ADGRB3: variants seen among roughly 807,000 people sequenced by gnomAD.
The protein encoded by ADGRB3 is brain-specific angiogenesis inhibitor 3.
ADGRB3 carries 37 observed loss-of-function variants against 193.4 expected under a neutral mutation model. That is an observed-to-expected ratio of 0.19 (90% CI 0.15 to 0.25). The LOEUF (loss-of-function observed/expected upper bound fraction) is 0.25. ADGRB3 is among the 10% of genes least tolerant of loss of function. ADGRB3 has a pLI of 1.00. For synonymous variants in ADGRB3, 690 were observed against 644.2 expected (o/e 1.07, Z -1.08); for missense variants, 1,637 against 1,852.9 (o/e 0.88, Z 2.14).
chr6:68,753,859 T>A (rs1235983336), intron 3 of ADGRB3, among the ~76,000 whole-genome samples: 2 of 152,012 alleles, frequency 1.3e-5, no homozygotes, highest in African/African-American at 4.8e-5. Context: ...CCAGTTGAAA[T>A]TTTTTTTCTA....
At chr6:69,004,918 G>T (rs149372196) in intron 11 of ADGRB3, among the ~76,000 whole-genome samples, 1 of 152,108 alleles carries the variant, frequency 6.6e-6, no homozygotes, top group African/African-American at 2.4e-5. Context: ...TGGACCTGCT[G>T]TGACTACTGC....
At chr6:68,686,128 G>C (rs1764978990) in intron 3 of ADGRB3, among the ~76,000 whole-genome samples, 1 of 152,178 alleles carries the variant, frequency 6.6e-6, no homozygotes, top group African/African-American at 2.4e-5. Context: ...GTGGACACCT[G>C]AAGATTTCCC....
chr6:69,359,435 A>G (rs1769400279), intron 28 of ADGRB3, among the ~76,000 whole-genome samples: 1 of 151,614 alleles, frequency 6.6e-6, no homozygotes, highest in Admixed American at 6.6e-5. Context: ...GCACAGCAAA[A>G]TTGTTAATCT....
At chr6:68,836,961 TA>T (rs1301777345) in intron 3 of ADGRB3, among the ~76,000 whole-genome samples, 3 of 152,208 alleles carry the variant, frequency 2.0e-5, no homozygotes, top group Non-Finnish European at 4.4e-5. Flanking sequence ...TTCAAAAAAG[TA>T]ACCTGCCTTT....
intron 30 of ADGRB3, among the ~76,000 whole-genome samples, chr6:69,375,663 T>C (rs1369683253): frequency 6.6e-6 from 1 of 152,128 alleles, no homozygotes; most frequent in East Asian, 1.9e-4. Context: ...ATTTGGGCTC[T>C]AAGAATTCCC....
At chr6:68,667,483 T>A (rs985389426) in intron 3 of ADGRB3, among the ~76,000 whole-genome samples, 6 of 151,942 alleles carry the variant, frequency 3.9e-5, no homozygotes, top group Admixed American at 6.6e-5. Flanking sequence ...GATTCCAGTC[T>A]GAATTTATAT....
chr6:69,384,608 A>G (rs1320272550), intron 31 of ADGRB3, among the ~76,000 whole-genome samples: 3 of 152,060 alleles, frequency 2.0e-5, no homozygotes, highest in African/African-American at 7.2e-5. Flanking sequence ...TTAATGGCAC[A>G]ACTATCTGTA....
intron 17 of ADGRB3, among the ~76,000 whole-genome samples, chr6:69,146,326 G>T (rs1271149951): frequency 6.6e-6 from 1 of 152,234 alleles, no homozygotes; most frequent in Non-Finnish European, 1.5e-5. Context: ...TCAAAGATCA[G>T]AGTGAGCACT....
At chr6:69,277,121 A>G (rs906275321) in intron 20 of ADGRB3, among the ~76,000 whole-genome samples, 1 of 151,516 alleles carries the variant, frequency 6.6e-6, no homozygotes, top group Admixed American at 6.6e-5. Flanking sequence ...TCAGCCTCCA[A>G]GTAGCTGGGA....
Position 69,239,196 on chromosome 6 carries a change from A to T in ADGRB3, c.2784A>T (p.Ile928=), listed in dbSNP as rs1407648046. ...CLSIISSNIL[I]LVGQTQTHNK... is the part of the protein sequence containing the mutation. ...CTATCATCTCATCCAATATCCTCATACTGGTTGGACAGACTCAGACACATA... is the reference window on the plus strand; with the variant it reads ...CTATCATCTCATCCAATATCCTCATTCTGGTTGGACAGACTCAGACACATA... The change falls in exon 20 of 32, where the codon ATA becomes ATT. Residue 928 remains isoleucine, a synonymous_variant. Transcript: ENST00000370598. The T allele has an allele frequency of 6.9e-6, 11 of 1,591,208 alleles. No homozygotes were observed. The East Asian group carries it at 2.5e-4, about 36-fold the overall frequency.
In ADGRB3 at chr6:68,862,510, G is replaced by A. The variant is rs932390842; in HGVS notation, c.758-68049G>A. ...CTCCTGCAATCTTCATAGTGATTTTGTGAAGAAGGTACTATATTTTACAGA... is the reference window on the plus strand; with the variant it reads ...CTCCTGCAATCTTCATAGTGATTTTATGAAGAAGGTACTATATTTTACAGA... On this transcript the variant is annotated intron_variant, in intron 3 of 31. Coordinates refer to ENST00000370598, the MANE Select transcript of ADGRB3 (RefSeq NM_001704.3). Among the ~76,000 whole-genome samples the A allele has an allele frequency of 4.6e-5, 7 of 152,314 alleles. 2 individuals are homozygous for A. The highest frequency in any genetic ancestry group is 6.5e-5 in the Admixed American group (1 of 15,290).
At chr6:69,107,811 G>C (rs1442591821) in intron 17 of ADGRB3, among the ~76,000 whole-genome samples, 1 of 152,116 alleles carries the variant, frequency 6.6e-6, no homozygotes, top group East Asian at 1.9e-4. Flanking sequence ...AATACTGCAA[G>C]TTATCACTTA....
At chr6:68,760,240 G>A (rs576400664) in intron 3 of ADGRB3, among the ~76,000 whole-genome samples, 11 of 152,078 alleles carry the variant, frequency 7.2e-5, no homozygotes, top group Non-Finnish European at 1.5e-4. Context: ...AATTATTTCT[G>A]AAAATGACAA....
chr6:68,916,287 A>T lies in ADGRB3; in HGVS notation c.758-14272A>T, dbSNP rs1190576324. ...GGGATAAACACTAATGTAAAAGGAA[A>T]TGTTTGTGAATTGGAAGATATATCT... is the stretch of plus-strand genomic sequence containing the variant. On this transcript the variant is annotated intron_variant, in intron 3 of 31. Transcript: ENST00000370598. Among the ~76,000 whole-genome samples the T allele has an allele frequency of 2.0e-5, 3 of 152,354 alleles. No individual in the cohort carries two copies. The East Asian group carries it at 5.8e-4, about 29-fold the overall frequency.
chr6:69,295,911 A>G (rs1238138455), intron 20 of ADGRB3, among the ~76,000 whole-genome samples: 1 of 152,190 alleles, frequency 6.6e-6, no homozygotes, highest in Non-Finnish European at 1.5e-5. Context: ...TCTTATTCAC[A>G]TAGCAGAACC....
rs549958824 is a variant in ADGRB3 at position 69,331,446 on chromosome 6, C to A, written c.3102+874C>A. On this transcript the variant is annotated intron_variant, in intron 23 of 31. Coordinates refer to ENST00000370598, the MANE Select transcript of ADGRB3 (RefSeq NM_001704.3). ...AATTATATTTCTAATTGGAAAGTTA[C>A]TCTTTGGTTTCTTGAATGACTCATT... 6.7e-6 allele frequency: 4 copies of A among 593,458 alleles called. No homozygotes were observed. In the East Asian group the frequency reaches 5.7e-4, roughly 85 times the overall value. The allele number at this position is 593,458 out of a possible 1,614,324, so 36.8% of individuals were successfully genotyped here.
At chr6:69,027,089 C>T (rs1286028095) in intron 13 of ADGRB3, among the ~76,000 whole-genome samples, 1 of 152,002 alleles carries the variant, frequency 6.6e-6, no homozygotes, top group Non-Finnish European at 1.5e-5. Context: ...TTTTTTTTAA[C>T]TTTTGGACTC....
At chr6:68,948,622 A>G (rs970047073) in intron 6 of ADGRB3, among the ~76,000 whole-genome samples, 6 of 152,036 alleles carry the variant, frequency 3.9e-5, no homozygotes, top group African/African-American at 1.4e-4. Context: ...TTATAGTAAT[A>G]TTTTCCCCTA....
At chr6:69,250,351 C>A (rs1719022456) in intron 20 of ADGRB3, among the ~76,000 whole-genome samples, 1 of 151,506 alleles carries the variant, frequency 6.6e-6, no homozygotes, top group Non-Finnish European at 1.5e-5. Flanking sequence ...AGAAATAAGA[C>A]CACCTATTTC....
Sources: gnomAD v4.1 joint callset for allele counts (sites outside exome capture counted in the v4.1 genomes callset) on GRCh38, gnomAD v4.1.1 for gene constraint, MANE v1.5 for transcripts, NCBI Gene and HGNC (gene_info 2026-07-23, HGNC 2026-07-21) for gene names.